CORO2B: variants seen among roughly 807,000 people sequenced by gnomAD.
The protein encoded by CORO2B is coronin 2B, also known as coronin-2B.
Under a neutral mutation model 58.8 loss-of-function variants are expected in CORO2B, and 26 were observed. That is an observed-to-expected ratio of 0.44 (90% CI 0.32 to 0.61). The LOEUF (loss-of-function observed/expected upper bound fraction) is 0.61, where lower values mean the gene tolerates loss of function less well. Among genes scored for constraint, CORO2B ranks in the 20% least tolerant of loss-of-function variants. CORO2B has a pLI of 0.04. For missense variants in CORO2B, 460 were observed against 645.1 expected, an observed-to-expected ratio of 0.71 and a Z score of 3.11; for synonymous variants, 242 against 253.8, an observed-to-expected ratio of 0.95 and a Z score of 0.44.
chr15:68,586,429 G>T (rs1899560240), intron 1 of CORO2B, among the ~76,000 whole-genome samples: 1 of 152,160 alleles, frequency 6.6e-6, no homozygotes, highest in Admixed American at 6.5e-5. Context: ...GAAAGGAGGG[G>T]AGCTGAGGAG....
intron 2 of CORO2B, among the ~76,000 whole-genome samples, chr15:68,685,663 G>A (rs112149999): frequency 0.041 from 6,259 of 152,288 alleles, 295 homozygotes; most frequent in African/African-American, 0.11. Flanking sequence ...GTGGTTCCCA[G>A]TCTTTGCTGC....
In CORO2B at chr15:68,715,200, C is replaced by G. The variant is rs772188785; in HGVS notation, c.871-15C>G. The G allele has an allele frequency of 6.2e-7, 1 of 1,612,498 alleles. No homozygotes were observed. The highest frequency in any genetic ancestry group is 8.5e-7 in the Non-Finnish European group (1 of 1,178,576). On this transcript the variant is annotated splice_polypyrimidine_tract_variant and intron_variant, in intron 7 of 11. Transcript: ENST00000261861. ...TACCTGCCACCTTCCTCAACTCCAT[C>G]TCTCCTGACCCCAGGGTGATGGAAA...
intron 2 of CORO2B, among the ~76,000 whole-genome samples, chr15:68,660,335 C>T (rs1003357071): frequency 6.6e-6 from 1 of 152,156 alleles, no homozygotes; most frequent in Non-Finnish European, 1.5e-5. Context: ...CTGTTCATTC[C>T]TCTAGTGTGA....
intron 3 of CORO2B, among the ~76,000 whole-genome samples, chr15:68,698,313 G>T (rs900986714): frequency 1.3e-5 from 2 of 152,154 alleles, no homozygotes; most frequent in East Asian, 1.9e-4. Context: ...CTTGATGTAG[G>T]GGGGACAAAT....
At chr15:68,708,442 G>A (rs895561239) in intron 3 of CORO2B, among the ~76,000 whole-genome samples, 3 of 141,982 alleles carry the variant, frequency 2.1e-5, no homozygotes, top group Non-Finnish European at 4.5e-5. Flanking sequence ...CTCACTGCAA[G>A]CTCCGCCTCC....
chr15:68,717,885 C>T (rs962899594), intron 8 of CORO2B, among the ~76,000 whole-genome samples: 3 of 152,168 alleles, frequency 2.0e-5, no homozygotes, highest in Non-Finnish European at 4.4e-5. Flanking sequence ...CGGTGCCAGG[C>T]AGTTAATGAG....
rs1893293607 is a variant in CORO2B at position 68,726,131 on chromosome 15, C to G, written c.*157C>G. 1.1e-6 allele frequency: 1 copy of G among 936,450 alleles called. No homozygotes were observed. The highest frequency in any genetic ancestry group is 1.6e-6 in the Non-Finnish European group (1 of 625,876). 58.0% of individuals were successfully genotyped at this position (936,450 alleles called of 1,614,324 possible). ...CACCTCGAGAACTGGAAGCCAACCT[C>G]TAACCTCCTGACCTCATGCTAATAA... is the stretch of plus-strand genomic sequence containing the variant. On this transcript the variant is annotated 3_prime_UTR_variant, in exon 12 of 12. Transcript: ENST00000261861.
intron 1 of CORO2B, among the ~76,000 whole-genome samples, chr15:68,604,709 A>G (rs1900064325): frequency 6.6e-6 from 1 of 151,994 alleles, no homozygotes; most frequent in Non-Finnish European, 1.5e-5. Flanking sequence ...CTGAGAACCT[A>G]TGGAAAGATG....
intron 2 of CORO2B, among the ~76,000 whole-genome samples, chr15:68,666,246 A>C (rs1176830106): frequency 6.6e-6 from 1 of 152,218 alleles, no homozygotes; most frequent in African/African-American, 2.4e-5. Flanking sequence ...AAAACCTGGC[A>C]CATGGCAAGT....
At chr15:68,691,735 T>C (rs74823898) in intron 2 of CORO2B, among the ~76,000 whole-genome samples, 6,094 of 151,616 alleles carry the variant, frequency 0.04, 391 homozygotes, top group African/African-American at 0.14. Flanking sequence ...AGTGCAGGGC[T>C]CTGGCCACTC....
the CORO2B span, among the ~76,000 whole-genome samples, chr15:68,524,844 G>A: frequency 2.0e-5 from 3 of 152,160 alleles, no homozygotes; most frequent in African/African-American, 7.2e-5. Flanking sequence ...ATTACTTGCC[G>A]AATTGATTTA....
At chr15:68,577,841 A>G (rs1308147534), upstream of CORO2B, among the ~76,000 whole-genome samples, 3 of 151,658 alleles carry the variant, frequency 2.0e-5, no homozygotes, top group Admixed American at 6.6e-5. Context: ...CAGGCATCCC[A>G]TCTCCTCTCT....
intron 4 of CORO2B, 61 bp from the exon 5 acceptor site, chr15:68,711,481 G>A: frequency 6.6e-7 from 1 of 1,508,402 alleles, no homozygotes; most frequent in Non-Finnish European, 9.0e-7. Flanking sequence ...GTGCACTGGG[G>A]ACAAACACCC....
intron 11 of CORO2B, 111 bp downstream of exon 11, chr15:68,719,663 CT>C: frequency 7.9e-7 from 1 of 1,264,906 alleles, no homozygotes; most frequent in Admixed American, 2.6e-5. Flanking sequence ...ATTTTTCTTT[CT>C]GTGACAAATG....
intron 2 of CORO2B, among the ~76,000 whole-genome samples, chr15:68,651,778 T>A (rs1427300048): frequency 6.6e-6 from 1 of 152,116 alleles, no homozygotes; most frequent in East Asian, 1.9e-4. Context: ...GATCCCCAAA[T>A]CCCTGCCCCG....
intron 2 of CORO2B, among the ~76,000 whole-genome samples, chr15:68,656,232 A>G (rs1203300416): frequency 7.3e-6 from 1 of 137,108 alleles, no homozygotes; most frequent in East Asian, 2.2e-4. Context: ...TGATGGAGGG[A>G]TGTGGGAGGA....
chr15:68,651,899 T>C (rs1901654732), intron 2 of CORO2B, among the ~76,000 whole-genome samples: 1 of 152,200 alleles, frequency 6.6e-6, no homozygotes, highest in Non-Finnish European at 1.5e-5. Flanking sequence ...GATTAAAAAT[T>C]CTTCTGCAGA....
intron 1 of CORO2B, among the ~76,000 whole-genome samples, chr15:68,644,873 A>G (rs1326811841): frequency 6.6e-6 from 1 of 152,174 alleles, no homozygotes; most frequent in African/African-American, 2.4e-5. Flanking sequence ...AAAGGACCCT[A>G]CAACCTTTCT....
intron 1 of CORO2B, among the ~76,000 whole-genome samples, chr15:68,595,332 A>G (rs1219496304): frequency 6.6e-6 from 1 of 152,212 alleles, no homozygotes; most frequent in Non-Finnish European, 1.5e-5. Context: ...TCCTCCCAGG[A>G]AGGGGGACAT....
Sources: allele counts gnomAD v4.1 joint callset (sites outside exome capture counted in the v4.1 genomes callset), GRCh38; gene constraint gnomAD v4.1.1; transcripts MANE v1.5; gene names NCBI Gene and HGNC (gene_info 2026-07-23, HGNC 2026-07-21).